Variants in TTC28 observed in about 807,000 individuals in gnomAD.
TTC28 encodes tetratricopeptide repeat domain 28.
A neutral mutation model predicts 198.0 loss-of-function variants in TTC28; 61 were observed. The observed-to-expected ratio is 0.31, with a 90% confidence interval of 0.25 to 0.38. The LOEUF (loss-of-function observed/expected upper bound fraction) is 0.38, where lower values mean the gene tolerates loss of function less well. Among genes scored for constraint, TTC28 ranks in the 10% least tolerant of loss-of-function variants. TTC28 has a pLI of 1.00. For synonymous variants in TTC28, 1,171 were observed against 1,297.8 expected, an observed-to-expected ratio of 0.90 and a Z score of 2.10; for missense variants, 2,678 against 3,164.0, an observed-to-expected ratio of 0.85 and a Z score of 3.69.
At chr22:28,207,836 A>T (rs1473437174) in intron 5 of TTC28, among the ~76,000 whole-genome samples, 2 of 152,080 alleles carry the variant, frequency 1.3e-5, no homozygotes, top group African/African-American at 4.8e-5. Context: ...AATCACATAG[A>T]CTGTAAATGT....
intron 6 of TTC28, among the ~76,000 whole-genome samples, chr22:28,137,357 G>C (rs1943222842): frequency 6.6e-6 from 1 of 152,130 alleles, no homozygotes; most frequent in African/African-American, 2.4e-5. Flanking sequence ...TGTCCAAAGA[G>C]TGCCAGTTCT....
At chr22:28,383,312 G>A (rs2046525138) in intron 2 of TTC28, among the ~76,000 whole-genome samples, 1 of 152,116 alleles carries the variant, frequency 6.6e-6, no homozygotes, top group African/African-American at 2.4e-5. Flanking sequence ...AAATGGCATT[G>A]TTGAGTTTGA....
intron 13 of TTC28, among the ~76,000 whole-genome samples, chr22:28,025,809 G>A (rs1007329428): frequency 4.6e-5 from 7 of 152,208 alleles, no homozygotes; most frequent in African/African-American, 1.7e-4. Context: ...GTTTGAGGCT[G>A]CAGTTAGTTA....
intron 1 of TTC28, among the ~76,000 whole-genome samples, chr22:28,640,124 T>C (rs536209950): frequency 1.3e-5 from 2 of 151,902 alleles, no homozygotes; most frequent in South Asian, 2.1e-4. Context: ...CTGGGGAACA[T>C]GGCAAAACCC....
chr22:28,337,599 G>T (rs745501624), intron 2 of TTC28, among the ~76,000 whole-genome samples: 1 of 152,090 alleles, frequency 6.6e-6, no homozygotes. Flanking sequence ...ATGTAATGGC[G>T]TTCTTTGTCT....
At chr22:28,164,838 G>A (rs903758532) in intron 5 of TTC28, among the ~76,000 whole-genome samples, 10 of 152,166 alleles carry the variant, frequency 6.6e-5, no homozygotes, top group African/African-American at 2.4e-4. Flanking sequence ...AATGATCAAT[G>A]ACGAGTTGAG....
intron 13 of TTC28, among the ~76,000 whole-genome samples, chr22:28,018,333 T>C (rs1938464082): frequency 6.9e-6 from 1 of 145,744 alleles, no homozygotes; most frequent in Non-Finnish European, 1.5e-5. Flanking sequence ...AACCTGTCCC[T>C]AGAGAGATCC....
chr22:28,424,743 G>C (rs1479053443), intron 2 of TTC28, among the ~76,000 whole-genome samples: 13 of 152,094 alleles, frequency 8.5e-5, no homozygotes, highest in Non-Finnish European at 1.5e-4. Context: ...TTAGATCTTT[G>C]CTAATTTCCA....
At chr22:28,498,137 G>GT (rs1398580472) in intron 2 of TTC28, among the ~76,000 whole-genome samples, 1 of 148,738 alleles carries the variant, frequency 6.7e-6, no homozygotes, top group Non-Finnish European at 1.5e-5. Flanking sequence ...TGAGCCTTCC[G>GT]TTAAAAAAAA....
chr22:28,378,116 G>A (rs2046439586), intron 2 of TTC28, among the ~76,000 whole-genome samples: 1 of 152,106 alleles, frequency 6.6e-6, no homozygotes, highest in Non-Finnish European at 1.5e-5. Context: ...GCCAAGGTGG[G>A]CAGATTATTC....
chr22:28,008,645 A>G (rs1374518837), intron 14 of TTC28: 3 of 152,212 alleles, frequency 2.0e-5, no homozygotes, highest in Non-Finnish European at 4.4e-5. Context: ...AAGATCCCCA[A>G]ATCTGGACCT....
chr22:28,163,641 G>A (rs898876691), intron 5 of TTC28, 42 bp from the exon 6 acceptor site: 1 of 1,473,106 alleles, frequency 6.8e-7, no homozygotes, highest in Non-Finnish European at 9.0e-7. Flanking sequence ...AAACACATCA[G>A]AATGGTTTTG....
chr22:28,070,729 T>G (rs1940934265), intron 12 of TTC28, among the ~76,000 whole-genome samples: 1 of 152,190 alleles, frequency 6.6e-6, no homozygotes, highest in South Asian at 2.1e-4. Context: ...AAATCAATGT[T>G]GTGTGTCATT....
intron 3 of TTC28, among the ~76,000 whole-genome samples, chr22:28,304,985 T>A (rs1362067322): frequency 1.3e-5 from 2 of 151,172 alleles, no homozygotes; most frequent in South Asian, 2.1e-4. Context: ...TTTATTTATT[T>A]ATTTATTTAT....
At chr22:28,042,650 C>T (rs1939695693) in intron 12 of TTC28, among the ~76,000 whole-genome samples, 2 of 151,546 alleles carry the variant, frequency 1.3e-5, no homozygotes, top group Admixed American at 6.6e-5. Context: ...TTGATGGGTG[C>T]AGCAAACCAA....
chr22:28,659,151 T>C (rs955982051), intron 1 of TTC28, among the ~76,000 whole-genome samples: 1 of 152,114 alleles, frequency 6.6e-6, no homozygotes, highest in African/African-American at 2.4e-5. Context: ...CCTCCAGAAC[T>C]GTGAGAAATA....
chr22:28,222,900 T>A (rs1251168723), intron 5 of TTC28, among the ~76,000 whole-genome samples: 1 of 152,198 alleles, frequency 6.6e-6, no homozygotes, highest in Non-Finnish European at 1.5e-5. Flanking sequence ...ATCTTTTCAT[T>A]TTAGTTTAAA....
chr22:28,073,227 A>G (rs1163834085), intron 12 of TTC28, among the ~76,000 whole-genome samples: 4 of 152,244 alleles, frequency 2.6e-5, no homozygotes, highest in Admixed American at 2.0e-4. Context: ...GGGAATAAAT[A>G]CACACCTGAT....
At chr22:28,551,684 A>T (rs937273553) in intron 2 of TTC28, among the ~76,000 whole-genome samples, 9 of 152,222 alleles carry the variant, frequency 5.9e-5, no homozygotes, top group Non-Finnish European at 1.3e-4. Context: ...GCATCTCTTT[A>T]TGACTAAAAC....
Sources: gnomAD v4.1 joint callset for allele counts (sites outside exome capture counted in the v4.1 genomes callset) on GRCh38, gnomAD v4.1.1 for gene constraint, MANE v1.5 for transcripts, NCBI Gene and HGNC (gene_info 2026-07-23, HGNC 2026-07-21) for gene names.